The following PPT1 variants were observed in gnomAD, a reference collection of about 807,000 sequenced individuals.
The protein encoded by PPT1 is ceroid-palmitoyl-palmitoyl-protein thioesterase 1.
PPT1 carries 24 observed loss-of-function variants against 44.0 expected under a neutral mutation model. The observed-to-expected ratio is 0.54, with a 90% CI of 0.39 to 0.77. The LOEUF is 0.77. PPT1 is among the 30% of genes least tolerant of loss of function. The pLI is 0.00. For synonymous variants in PPT1, 148 were observed against 140.2 expected (o/e 1.06, Z -0.39); for missense variants, 341 against 378.8 (o/e 0.90, Z 0.83).
rs767408496 is a variant in PPT1, at chr1:40,091,427, C to T, written c.363-28G>A. On this transcript the variant is annotated intron_variant, in intron 3 of 8. Transcript: ENST00000642050. The stretch of plus-strand genomic sequence containing the variant: ...ACGGAATAAAAGGGAGTTTTAGCTC[C>T]GACTGTCAGATGGAAATGTATCATC... 5.1e-6 allele frequency: 8 copies of T among 1,570,408 alleles called. No individual in the cohort carries two copies. The Admixed American group carries it at 8.4e-5, about 17-fold the overall frequency.
intron 1 of PPT1, among the ~76,000 whole-genome samples, chr1:40,096,141 G>GGT (rs60491716): frequency 0.086 from 13,088 of 152,134 alleles, 807 homozygotes; most frequent in African/African-American, 0.17. Flanking sequence ...TTTGTACTCA[G>GGT]ATGTCACTTT....
At position 40,092,077 on chromosome 1, in the gene PPT1, A is replaced by C. The variant is rs1320425016; in HGVS notation, c.330T>G (p.Asn110Lys). 1.2e-6 allele frequency: 2 copies of C among 1,614,024 alleles called. No homozygotes were observed. The highest frequency in any genetic ancestry group is 1.7e-6 in the Non-Finnish European group (2 of 1,180,024). Reference sequence around the variant, plus strand: ...GGCCTCCCTGGGAGAATCCCATAGCATTGTAGCCTTGCTGCAATTTAGGAT... The same window carrying C: ...GGCCTCCCTGGGAGAATCCCATAGCCTTGTAGCCTTGCTGCAATTTAGGAT... ...AKDPKLQQGYNAMGFSQGGQF... is the reference protein window; with the variant it reads ...AKDPKLQQGYKAMGFSQGGQF... Residue 110 changes from asparagine (N) to lysine (K), a missense_variant, in exon 3 of 9, where the codon AAT becomes AAG. Physicochemically the swap from Asn to Lys is moderately conservative, Grantham distance 94 (BLOSUM62 0). Coordinates refer to ENST00000642050, the MANE Select transcript of PPT1 (RefSeq NM_000310.4).
chr1:40,089,361 A>ATT (rs1386293134), intron 5 of PPT1, 49 bp downstream of exon 5: 1 of 1,456,448 alleles, frequency 6.9e-7, no homozygotes, highest in East Asian at 2.3e-5. Context: ...TCAGCATGAT[A>ATT]TTTTCACACG....
intron 8 of PPT1, among the ~76,000 whole-genome samples, chr1:40,075,896 G>C (rs987312244): frequency 1.4e-5 from 2 of 145,796 alleles, no homozygotes; most frequent in African/African-American, 5.1e-5. Flanking sequence ...AGGAGGTGGA[G>C]GCTGCAGTGA....
intron 5 of PPT1, among the ~76,000 whole-genome samples, chr1:40,081,707 C>T (rs1357986080): frequency 6.6e-6 from 1 of 152,128 alleles, no homozygotes; most frequent in Non-Finnish European, 1.5e-5. Flanking sequence ...TTATAAACCT[C>T]TATTTGCCCA....
chr1:40,093,008 A>G (rs1649652883), intron 1 of PPT1, among the ~76,000 whole-genome samples: 2 of 152,238 alleles, frequency 1.3e-5, no homozygotes, highest in African/African-American at 4.8e-5. Context: ...ATGACTCAGC[A>G]ATTCAACTCC....
intron 1 of PPT1, 25 bp downstream of exon 1, chr1:40,097,090 C>G: frequency 6.2e-7 from 1 of 1,614,000 alleles, no homozygotes; most frequent in South Asian, 1.1e-5. Context: ...ATCGCCAAAC[C>G]CTTTTAAATT....
intron 1 of PPT1, among the ~76,000 whole-genome samples, chr1:40,094,688 A>G (rs1268234027): frequency 6.6e-6 from 1 of 152,186 alleles, no homozygotes; most frequent in Non-Finnish European, 1.5e-5. Context: ...GACTGAGATC[A>G]TTTCCCATTT....
At chr1:40,086,043 A>G (rs1443188553) in intron 5 of PPT1, among the ~76,000 whole-genome samples, 1 of 152,242 alleles carries the variant, frequency 6.6e-6, no homozygotes, top group East Asian at 1.9e-4. Context: ...GCACTCTGAG[A>G]TCCACTGAGG....
At chr1:40,095,148 T>A (rs1649781523) in intron 1 of PPT1, among the ~76,000 whole-genome samples, 1 of 152,230 alleles carries the variant, frequency 6.6e-6, no homozygotes, top group South Asian at 2.1e-4. Context: ...ATACAGTTGA[T>A]CATGACCTAT....
chr1:40,077,016 A>G lies in PPT1; in HGVS notation c.727-103T>C, dbSNP rs1648664443. Reference sequence around the variant, plus strand: ...AGCTAAAACTGCCAACAAAGTGAACATCATAAAGCTGTAGGAAGAAGGAAA... The same window carrying G: ...AGCTAAAACTGCCAACAAAGTGAACGTCATAAAGCTGTAGGAAGAAGGAAA... On this transcript the variant is annotated intron_variant, in intron 7 of 8. Coordinates refer to ENST00000642050, the MANE Select transcript of PPT1 (RefSeq NM_000310.4). 6.6e-6 allele frequency: 9 copies of G among 1,370,934 alleles called. No homozygotes were observed. In the South Asian group the frequency reaches 9.4e-5, roughly 14 times the overall value. 84.9% of individuals were successfully genotyped at this position (1,370,934 alleles called of 1,614,324 possible).
chr1:40,091,463 A>G, intron 3 of PPT1, 64 bp from the exon 4 acceptor site: 1 of 1,424,368 alleles, frequency 7.0e-7, no homozygotes, highest in South Asian at 1.2e-5. Flanking sequence ...CACAATCAGC[A>G]TCACAGATTA....
Position 40,096,874 on chromosome 1 carries a change from C to T in PPT1, c.124+241G>A, listed in dbSNP as rs553467379. On this transcript the variant is annotated intron_variant, in intron 1 of 8. Transcript: ENST00000642050. ...TACTGTAAGGATTAATCAAGGACAG[C>T]ATGTAAAACTTCAACGCCGTGCGCG... 3 of 638,160 alleles carry T rather than the reference C, an allele frequency of 4.7e-6. No individual in the cohort carries two copies. In the South Asian group the frequency reaches 5.7e-5, roughly 12 times the overall value. 39.5% of individuals were successfully genotyped at this position (638,160 alleles called of 1,614,324 possible). A position where few individuals can be genotyped will look rare whatever the true frequency, so the allele number is the denominator to read the frequency against.
In PPT1 at chr1:40,072,960, T is replaced by C. The variant is rs147224990; in HGVS notation, c.*1101A>G. ...TTAAGTTTTCACAGAGTGGGGACTA[T>C]GATTTCCATGCTCAAATAGTGTAGG... On this transcript the variant is annotated 3_prime_UTR_variant, in exon 9 of 9. Transcript: ENST00000642050. 1 of 152,256 alleles carries C rather than the reference T, an allele frequency of 6.6e-6. No individual in the cohort carries two copies. The highest frequency in any genetic ancestry group is 2.1e-4 in the South Asian group (1 of 4,838). 9.4% of individuals were successfully genotyped at this position (152,256 alleles called of 1,614,324 possible). A position where few individuals can be genotyped will look rare whatever the true frequency, so the allele number is the denominator to read the frequency against.
chr1:40,082,516 G>A (rs954606188), intron 5 of PPT1, among the ~76,000 whole-genome samples: 1 of 152,024 alleles, frequency 6.6e-6, no homozygotes, highest in Non-Finnish European at 1.5e-5. Context: ...CTGCTATGGA[G>A]AAAATCTGAG....
chr1:40,084,669 C>A (rs1452147983), intron 5 of PPT1, among the ~76,000 whole-genome samples: 1 of 152,182 alleles, frequency 6.6e-6, no homozygotes, highest in Non-Finnish European at 1.5e-5. Flanking sequence ...TTATCCTAGA[C>A]CTAGATCATA....
At chr1:40,093,978 A>C in intron 1 of PPT1, 1 of 716,712 alleles carries the variant, frequency 1.4e-6, no homozygotes, top group Non-Finnish European at 2.6e-6. Flanking sequence ...GGATTGCTTG[A>C]GGCCAAGAGT....
At chr1:40,077,108 T>C (rs867603949) in intron 7 of PPT1, among the ~76,000 whole-genome samples, 195 bp from the exon 8 acceptor site, 1 of 152,264 alleles carries the variant, frequency 6.6e-6, no homozygotes, top group Admixed American at 6.5e-5. Flanking sequence ...TTAATCTTTC[T>C]GAGAGGCCGC....
chr1:40,093,440 T>C (rs1649673945), intron 1 of PPT1, among the ~76,000 whole-genome samples: 1 of 139,290 alleles, frequency 7.2e-6, no homozygotes, highest in African/African-American at 2.6e-5. Context: ...AAAAGAAGTG[T>C]TAGTTGCACA....
Sources: gnomAD v4.1 joint callset for allele counts (sites outside exome capture counted in the v4.1 genomes callset) on GRCh38, gnomAD v4.1.1 for gene constraint, MANE v1.5 for transcripts, NCBI Gene and HGNC (gene_info 2026-07-23, HGNC 2026-07-21) for gene names.